NRTN: variants seen among roughly 807,000 people sequenced by gnomAD.
NRTN encodes the protein neurturin.
In NRTN, 3 loss-of-function variants were observed where a neutral mutation model predicts 7.5. The ratio of observed to expected loss-of-function variants is 0.40; its 90% CI spans 0.18 to 1.03. NRTN has a LOEUF of 1.03. Among genes scored for constraint, NRTN ranks in the 50% least tolerant of loss-of-function variants. NRTN has a pLI of 0.34. For synonymous variants in NRTN, 157 were observed against 146.6 expected (o/e 1.07, Z -0.51); for missense variants, 310 against 307.0 (o/e 1.01, Z -0.07).
At chr19:5,825,320 G>A (rs1178225595) in intron 2 of NRTN, among the ~76,000 whole-genome samples, 4 of 152,190 alleles carry the variant, frequency 2.6e-5, no homozygotes, top group African/African-American at 9.6e-5. Context: ...CTGTGCCCAC[G>A]CACATGTCCA....
In NRTN at chr19:5,827,886, T is replaced by C. The variant is rs2057053781; in HGVS notation, c.307T>C (p.Cys103Arg). 3 of 1,374,576 alleles carry C rather than the reference T, an allele frequency of 2.2e-6. No individual in the cohort carries two copies. The highest frequency in any genetic ancestry group is 2.8e-6 in the Non-Finnish European group (3 of 1,059,928). The allele number at this position is 1,374,576 out of a possible 1,614,324, so 85.1% of individuals were successfully genotyped here. Reference protein sequence around the residue: ...RARARLGARPCGLRELEVRVS... With the variant: ...RARARLGARPRGLRELEVRVS... The stretch of plus-strand genomic sequence containing the variant: ...GCGTGCGCGGTTGGGGGCGCGGCCT[T>C]GCGGGCTGCGCGAGCTGGAGGTGCG... Residue 103 changes from cysteine (C) to arginine (R), a missense_variant, in exon 3 of 3, where the codon TGC becomes CGC. Transcript: ENST00000303212.
chr19:5,811,993 C>T (rs2056992044), intron 1 of NRTN, among the ~76,000 whole-genome samples: 1 of 151,950 alleles, frequency 6.6e-6, no homozygotes, highest in Admixed American at 6.6e-5. Flanking sequence ...CCTCAGCCTC[C>T]CAAGTAGCTG....
chr19:5,823,648 T>G (rs1363323066), intron 1 of NRTN, among the ~76,000 whole-genome samples, 120 bp from the exon 2 acceptor site: 1 of 152,106 alleles, frequency 6.6e-6, no homozygotes, highest in Non-Finnish European at 1.5e-5. Context: ...GGGAACAGTG[T>G]CAGCCCCAGA....
intron 1 of NRTN, among the ~76,000 whole-genome samples, chr19:5,817,954 C>T (rs2057011305): frequency 6.6e-6 from 1 of 151,734 alleles, no homozygotes; most frequent in African/African-American, 2.4e-5. Context: ...CGCACACTGC[C>T]ACACCCGGCT....
chr19:5,813,028 TC>T (rs1390575686), intron 1 of NRTN, among the ~76,000 whole-genome samples: 1 of 152,186 alleles, frequency 6.6e-6, no homozygotes, highest in East Asian at 1.9e-4. Context: ...GTCAAGCTCT[TC>T]CAGGTCCTCT....
At position 5,824,041 on chromosome 19, in the gene NRTN, A is replaced by G; in HGVS notation, c.-125A>G. The G allele has an allele frequency of 8.1e-7, 1 of 1,235,870 alleles. No individual in the cohort carries two copies. Among genetic ancestry groups the G allele is most frequent in the Non-Finnish European group, 1.2e-6 (1 of 861,342 alleles). The allele number at this position is 1,235,870 out of a possible 1,614,324, so 76.6% of individuals were successfully genotyped here. On this transcript the variant is annotated 5_prime_UTR_variant, in exon 2 of 3. Transcript: ENST00000303212. ...AGGGACCATTCCCATGTGATTATCG[A>G]CCATTCGGCAGGCGTTCAAAGTCAA... is the stretch of plus-strand genomic sequence containing the variant.
rs2056971708 is a variant in NRTN at position 5,805,294 on chromosome 19, G to A, written c.-556G>A. ...CTAAGCGAGCCCGGGGGGCCCCATG[G>A]GCCGGCCCGCGCCGCACCCCGCCCG... On this transcript the variant is annotated 5_prime_UTR_variant, in exon 1 of 3. Coordinates refer to ENST00000303212, the MANE Select transcript of NRTN (RefSeq NM_004558.5). Among the ~76,000 whole-genome samples, 1 of 145,920 alleles carries A rather than the reference G, an allele frequency of 6.9e-6. No homozygotes were observed.
At chr19:5,820,945 G>A (rs1049354440) in intron 1 of NRTN, among the ~76,000 whole-genome samples, 3 of 151,898 alleles carry the variant, frequency 2.0e-5, no homozygotes, top group Admixed American at 6.6e-5. Context: ...TCAGACACAC[G>A]GGCCTCCTCA....
At chr19:5,818,625 T>C (rs978010078) in intron 1 of NRTN, among the ~76,000 whole-genome samples, 1 of 151,926 alleles carries the variant, frequency 6.6e-6, no homozygotes, top group Non-Finnish European at 1.5e-5. Context: ...CAAATGACAG[T>C]GGGCACTCCT....
In NRTN at chr19:5,820,171, C is replaced by T. The variant is rs1216186613; in HGVS notation, c.-398-3597C>T. On this transcript the variant is annotated intron_variant, in intron 1 of 2. Coordinates refer to ENST00000303212, the MANE Select transcript of NRTN (RefSeq NM_004558.5). ...GTCCCAGCTACTCAGGAGGCTGAGGCAGGAGAATGGCGTGAACCTGGGAGG... is the reference window on the plus strand; with the variant it reads ...GTCCCAGCTACTCAGGAGGCTGAGGTAGGAGAATGGCGTGAACCTGGGAGG... Among the ~76,000 whole-genome samples, 33 of 142,776 alleles carry T rather than the reference C, an allele frequency of 2.3e-4. 4 individuals carry two copies. Among genetic ancestry groups the T allele is most frequent in the African/African-American group, 8.9e-4 (32 of 35,928 alleles). 93.7% of individuals were successfully genotyped at this position (142,776 alleles called of 152,430 possible). A position where few individuals can be genotyped will look rare whatever the true frequency, so the allele number is the denominator to read the frequency against.
At chr19:5,825,456 CTCTTT>C (rs1368408664) in intron 2 of NRTN, among the ~76,000 whole-genome samples, 1 of 152,258 alleles carries the variant, frequency 6.6e-6, no homozygotes, top group Non-Finnish European at 1.5e-5. Context: ...CCACACAATC[CTCTTT>C]TCTTGTCCTT....
In NRTN at chr19:5,817,390, GGAGT is replaced by G. The variant is rs1291283919; in HGVS notation, c.-398-6374_-398-6371del. Among the ~76,000 whole-genome samples the G allele has an allele frequency of 3.4e-5, 5 of 147,738 alleles. No individual in the cohort carries two copies. In the East Asian group the frequency reaches 8.0e-4, roughly 24 times the overall value. ...GAGAGGGAAGGAAGGAGGGAGGAAA[GGAGT>G]GAGGGAGGGAGGGAAAGAGAGAGGG... On this transcript the variant is annotated intron_variant, in intron 1 of 2. Coordinates refer to ENST00000303212, the MANE Select transcript of NRTN (RefSeq NM_004558.5).
At chr19:5,827,708 CACCCACTGA>C in intron 2 of NRTN, 32 bp from the exon 3 acceptor site, 1 of 576,762 alleles carries the variant, frequency 1.7e-6, no homozygotes, top group Non-Finnish European at 2.4e-6. Context: ...CCACCCCCTG[CACCCACTGA>C]CCCCCCCTCC....
At chr19:5,816,047 T>C (rs969519830) in intron 1 of NRTN, among the ~76,000 whole-genome samples, 2 of 148,270 alleles carry the variant, frequency 1.3e-5, no homozygotes, top group Non-Finnish European at 3.0e-5. Context: ...GCCTGGCCGA[T>C]GGTGTCTTTT....
Position 5,806,610 on chromosome 19 carries a change from G to T in NRTN, c.-399+1159G>T, listed in dbSNP as rs747927658. Among the ~76,000 whole-genome samples the T allele has an allele frequency of 3.3e-5, 5 of 152,092 alleles. No individual in the cohort carries two copies. Among genetic ancestry groups the T allele is most frequent in the Non-Finnish European group, 5.9e-5 (4 of 68,024 alleles). Reference sequence around the variant, plus strand: ...CCCACCCCCAGCTTCTTGCCTTGGGGCCCTTTGGACACCCCTCCCTCCTCC... The same window carrying T: ...CCCACCCCCAGCTTCTTGCCTTGGGTCCCTTTGGACACCCCTCCCTCCTCC... On this transcript the variant is annotated intron_variant, in intron 1 of 2. Transcript: ENST00000303212. The surrounding 1 kb of genome is among the most constrained non-coding windows in gnomAD (Gnocchi z 5.4).
At chr19:5,813,365 T>C (rs2056995967) in intron 1 of NRTN, among the ~76,000 whole-genome samples, 1 of 150,792 alleles carries the variant, frequency 6.6e-6, no homozygotes, top group Admixed American at 6.6e-5. Context: ...TGAAACCCTG[T>C]CTCTACTAAA....
chr19:5,805,556 AG>A (rs2056972755), intron 1 of NRTN, among the ~76,000 whole-genome samples, 105 bp downstream of exon 1: 1 of 151,178 alleles, frequency 6.6e-6, no homozygotes, highest in East Asian at 1.9e-4. Flanking sequence ...CGAGTAGACC[AG>A]GGGATTCCCT....
At chr19:5,823,646 T>C (rs2057034050) in intron 1 of NRTN, among the ~76,000 whole-genome samples, 122 bp from the exon 2 acceptor site, 1 of 152,112 alleles carries the variant, frequency 6.6e-6, no homozygotes, top group Non-Finnish European at 1.5e-5. Context: ...TAGGGAACAG[T>C]GTCAGCCCCA....
intron 1 of NRTN, among the ~76,000 whole-genome samples, chr19:5,812,655 G>A (rs1372755517): frequency 2.0e-5 from 3 of 152,222 alleles, no homozygotes; most frequent in African/African-American, 7.2e-5. Context: ...TCTGAGGGAG[G>A]GGGCACATTT....
Sources: gnomAD v4.1 joint callset for allele counts (sites outside exome capture counted in the v4.1 genomes callset) on GRCh38, gnomAD v4.1.1 for gene constraint, Gnocchi (gnomAD v3.1) non-coding constraint, MANE v1.5 for transcripts, NCBI Gene and HGNC (gene_info 2026-07-23, HGNC 2026-07-21) for gene names.